Variants in SLX4IP observed in about 807,000 individuals in gnomAD.
SLX4IP encodes protein SLX4IP.
A neutral mutation model predicts 32.9 loss-of-function variants in SLX4IP; 34 were observed. The ratio of observed to expected loss-of-function variants is 1.03; its 90% confidence interval spans 0.79 to 1.38. The LOEUF (loss-of-function observed/expected upper bound fraction) is 1.38, where lower values mean the gene tolerates loss of function less well. SLX4IP is among the 40% of genes most tolerant of loss of function. The pLI is 0.00. For synonymous variants in SLX4IP, 172 were observed against 171.7 expected, an observed-to-expected ratio of 1.00 and a Z score of -0.01; for missense variants, 444 against 479.0, an observed-to-expected ratio of 0.93 and a Z score of 0.68.
At chr20:10,520,416 T>C (rs1405667207) in intron 2 of SLX4IP, among the ~76,000 whole-genome samples, 1 of 152,252 alleles carries the variant, frequency 6.6e-6, no homozygotes, top group Non-Finnish European at 1.5e-5. Context: ...TCATTATATA[T>C]TCTGATCAGG....
At chr20:10,520,252 G>C (rs369489473) in intron 2 of SLX4IP, among the ~76,000 whole-genome samples, 5 of 151,836 alleles carry the variant, frequency 3.3e-5, no homozygotes, top group African/African-American at 1.2e-4. Flanking sequence ...GGGTTTCACC[G>C]TGTTAGCCAG....
chr20:10,479,541 G>A (rs1289600439), intron 2 of SLX4IP, among the ~76,000 whole-genome samples: 8 of 151,182 alleles, frequency 5.3e-5, no homozygotes, highest in Admixed American at 3.3e-4. Context: ...TTTAGTAGAC[G>A]GGATTTCACC....
intron 2 of SLX4IP, among the ~76,000 whole-genome samples, chr20:10,463,922 A>G (rs559449717): frequency 1.3e-5 from 2 of 152,164 alleles, no homozygotes; most frequent in Non-Finnish European, 2.9e-5. Flanking sequence ...CAGAGGTTAC[A>G]TTTCATAATA....
chr20:10,619,949 T>C (rs1257226683), intron 6 of SLX4IP, among the ~76,000 whole-genome samples: 3 of 152,246 alleles, frequency 2.0e-5, no homozygotes, highest in Non-Finnish European at 4.4e-5. Flanking sequence ...TAACCAGATA[T>C]GACTTTGAGT....
At chr20:10,457,351 T>C (rs2065293318) in intron 1 of SLX4IP, among the ~76,000 whole-genome samples, 1 of 152,030 alleles carries the variant, frequency 6.6e-6, no homozygotes, top group Non-Finnish European at 1.5e-5. Flanking sequence ...TAGCACTTGG[T>C]TTTTCCTAAA....
In SLX4IP at chr20:10,622,655, T is replaced by C. The variant is rs1254741514; in HGVS notation, c.507-4T>C. 4.4e-6 allele frequency: 7 copies of C among 1,599,282 alleles called. No homozygotes were observed. The highest frequency in any genetic ancestry group is 6.0e-6 in the Non-Finnish European group (7 of 1,173,718). Reference sequence around the variant, plus strand: ...AACCATAAAATCATTTTTGTTTGTTTCAGTGTGAAAAGAACTGAAACAAAA... The same window carrying C: ...AACCATAAAATCATTTTTGTTTGTTCCAGTGTGAAAAGAACTGAAACAAAA... On this transcript the variant is annotated splice_region_variant and splice_polypyrimidine_tract_variant and intron_variant, in intron 7 of 7. Transcript: ENST00000334534.
intron 2 of SLX4IP, among the ~76,000 whole-genome samples, chr20:10,540,867 A>C (rs949037965): frequency 1.3e-5 from 2 of 152,200 alleles, no homozygotes; most frequent in African/African-American, 4.8e-5. Context: ...ATTCTGTCCC[A>C]TTTCAATTTC....
chr20:10,526,850 G>A (rs1486298307), intron 2 of SLX4IP, among the ~76,000 whole-genome samples: 1 of 152,138 alleles, frequency 6.6e-6, no homozygotes, highest in African/African-American at 2.4e-5. Context: ...TACTTGGGAG[G>A]CTGAGATGGG....
At chr20:10,568,258 T>C (rs2066418887) in intron 4 of SLX4IP, among the ~76,000 whole-genome samples, 1 of 152,226 alleles carries the variant, frequency 6.6e-6, no homozygotes, top group South Asian at 2.1e-4. Context: ...AACAATGTCC[T>C]GCAAGATAGT....
At chr20:10,594,263 G>A (rs1333940032) in intron 4 of SLX4IP, among the ~76,000 whole-genome samples, 2 of 152,214 alleles carry the variant, frequency 1.3e-5, no homozygotes, top group Non-Finnish European at 2.9e-5. Flanking sequence ...GAGAAGTACT[G>A]AGGGGCATCG....
At chr20:10,481,618 C>T (rs750010959) in intron 2 of SLX4IP, among the ~76,000 whole-genome samples, 2 of 152,152 alleles carry the variant, frequency 1.3e-5, no homozygotes, top group African/African-American at 2.4e-5. Flanking sequence ...GCTATAGTAA[C>T]GCTGACTTTG....
At chr20:10,457,575 A>G (rs2065296123) in intron 1 of SLX4IP, among the ~76,000 whole-genome samples, 1 of 151,810 alleles carries the variant, frequency 6.6e-6, no homozygotes, top group East Asian at 1.9e-4. Context: ...ATCGTGGTGT[A>G]TAATCTTTTT....
chr20:10,556,272 A>G lies in SLX4IP; in HGVS notation c.69A>G (p.Pro23=). The change falls in exon 3 of 8, where the codon CCA becomes CCG. Residue 23 remains proline, a synonymous_variant. Coordinates refer to ENST00000334534, the MANE Select transcript of SLX4IP (RefSeq NM_001009608.3). The part of the protein sequence containing the change: ...FAVLVDLHIL[P]QGSNKDTSWF... Reference sequence around the variant, plus strand: ...TCCTCGTGGATCTTCATATCTTGCCACAAGGTTCAAACAAAGATACAAGCT... The same window carrying G: ...TCCTCGTGGATCTTCATATCTTGCCGCAAGGTTCAAACAAAGATACAAGCT... The G allele has an allele frequency of 6.2e-7, 1 of 1,613,576 alleles. No homozygotes were observed. Among genetic ancestry groups the G allele is most frequent in the Non-Finnish European group, 8.5e-7 (1 of 1,179,844 alleles).
chr20:10,530,880 C>T (rs1470241376), intron 2 of SLX4IP, among the ~76,000 whole-genome samples: 1 of 152,096 alleles, frequency 6.6e-6, no homozygotes, highest in Non-Finnish European at 1.5e-5. Context: ...AAATGCTGAA[C>T]CCTGATTAAC....
chr20:10,594,476 G>A (rs1038923707), intron 4 of SLX4IP, among the ~76,000 whole-genome samples: 2 of 152,152 alleles, frequency 1.3e-5, no homozygotes, highest in Admixed American at 6.5e-5. Flanking sequence ...CCACTGTTAC[G>A]CACCAGACCA....
At position 10,598,901 on chromosome 20, in the gene SLX4IP, T is replaced by C. The variant is rs2066807619; in HGVS notation, c.316+149T>C. On this transcript the variant is annotated intron_variant, in intron 5 of 7. Transcript: ENST00000334534. ...GTCCGAAAGTTTGCGATTTCTTTCC[T>C]CCCACCTTGTACTGTGTTTACTGCC... 6 of 751,762 alleles carry C rather than the reference T, an allele frequency of 8.0e-6. 1 individual carries two copies. The South Asian group carries it at 9.8e-5, about 12-fold the overall frequency. The allele number at this position is 751,762 out of a possible 1,614,324, so 46.6% of individuals were successfully genotyped here. A position where few individuals can be genotyped will look rare whatever the true frequency, so the allele number is the denominator to read the frequency against.
At position 10,621,434 on chromosome 20, in the gene SLX4IP, T is replaced by C. The variant is rs1483942121; in HGVS notation, c.506+20T>C. ...AGAAATGTAGGTGCAATGTGTTTCC[T>C]TTTTCTCATTTTTGCCTGTCTCTAT... On this transcript the variant is annotated intron_variant, in intron 7 of 7. Transcript: ENST00000334534. 1.2e-6 allele frequency: 2 copies of C among 1,605,210 alleles called. No individual in the cohort carries two copies. The highest frequency in any genetic ancestry group is 2.2e-5 in the South Asian group (2 of 90,718).
At chr20:10,588,072 C>G (rs1056583764) in intron 4 of SLX4IP, among the ~76,000 whole-genome samples, 5 of 151,666 alleles carry the variant, frequency 3.3e-5, no homozygotes, top group Admixed American at 2.6e-4. Context: ...TTTTCAAGCC[C>G]ATATATCTAA....
rs117116847 is a variant in SLX4IP, at chr20:10,458,568, A to G, written c.27+337A>G. ...GTGTGCTGTTTCCCCCCATGTGTCT[A>G]TGTGTTCTCATTCAGCTCCCACTTA... On this transcript the variant is annotated intron_variant, in intron 2 of 7. Transcript: ENST00000334534. Among the ~76,000 whole-genome samples, 21 of 151,062 alleles carry G rather than the reference A, an allele frequency of 1.4e-4. No individual in the cohort carries two copies. In the East Asian group the frequency reaches 3.1e-3, roughly 22 times the overall value.
Sources: gnomAD v4.1 joint callset for allele counts (sites outside exome capture counted in the v4.1 genomes callset) on GRCh38, gnomAD v4.1.1 for gene constraint, MANE v1.5 for transcripts, NCBI Gene and HGNC (gene_info 2026-07-23, HGNC 2026-07-21) for gene names.